ADGRB3: variants seen among roughly 807,000 people sequenced by gnomAD.
The protein encoded by ADGRB3 is brain-specific angiogenesis inhibitor 3.
ADGRB3 carries 37 observed loss-of-function variants against 193.4 expected under a neutral mutation model. The observed-to-expected ratio is 0.19, with a 90% CI of 0.15 to 0.25. The LOEUF (loss-of-function observed/expected upper bound fraction) is 0.25, where lower values mean the gene tolerates loss of function less well. Ranked by LOEUF, ADGRB3 falls within the 10% of genes least tolerant of loss-of-function variation. ADGRB3 has a pLI of 1.00. For missense variants in ADGRB3, 1,637 were observed against 1,852.9 expected, an observed-to-expected ratio of 0.88 and a Z score of 2.14; for synonymous variants, 690 against 644.2, an observed-to-expected ratio of 1.07 and a Z score of -1.08.
intron 3 of ADGRB3, among the ~76,000 whole-genome samples, chr6:68,899,829 T>TA (rs573225535): frequency 2.6e-5 from 4 of 151,954 alleles, no homozygotes; most frequent in East Asian, 3.9e-4. Context: ...TTTAATGTGG[T>TA]AAAAAAATAA....
intron 28 of ADGRB3, 106 bp downstream of exon 28, chr6:69,355,966 T>C: frequency 5.2e-6 from 5 of 962,498 alleles, no homozygotes; most frequent in Non-Finnish European, 7.8e-6. Flanking sequence ...CATATTGTTC[T>C]GTGAAAGGGC....
chr6:68,890,541 T>C (rs1206968681), intron 3 of ADGRB3, among the ~76,000 whole-genome samples: 2 of 152,234 alleles, frequency 1.3e-5, no homozygotes, highest in Non-Finnish European at 2.9e-5. Context: ...AATGAATTTG[T>C]GGTTATTTGT....
chr6:68,777,709 A>C (rs889207997), intron 3 of ADGRB3, among the ~76,000 whole-genome samples: 3 of 151,258 alleles, frequency 2.0e-5, no homozygotes, highest in African/African-American at 7.3e-5. Flanking sequence ...ACATGAGCAG[A>C]TATGCTAATA....
At chr6:68,699,886 G>T (rs900616233) in intron 3 of ADGRB3, among the ~76,000 whole-genome samples, 2 of 152,018 alleles carry the variant, frequency 1.3e-5, no homozygotes, top group Non-Finnish European at 1.5e-5. Flanking sequence ...CAAGCAAAGG[G>T]CAGTCGTCCA....
rs1321091501 is a variant in ADGRB3, at chr6:69,158,466, C to T, written c.2481-74824C>T. On this transcript the variant is annotated intron_variant, in intron 17 of 31. Transcript: ENST00000370598. ...AAAAAATAAGAAATACAAAATGAGG[C>T]TTAAGCAGTCTCAGAATCAATGTAA... 2.0e-5 allele frequency among the ~76,000 whole-genome samples: 3 copies of T among 150,692 alleles called. No homozygotes were observed. The East Asian group carries it at 5.8e-4, about 29-fold the overall frequency.
intron 11 of ADGRB3, among the ~76,000 whole-genome samples, chr6:68,998,299 A>G (rs1221853325): frequency 1.3e-5 from 2 of 152,240 alleles, no homozygotes; most frequent in East Asian, 3.8e-4. Flanking sequence ...GCTGCCATTG[A>G]CAATGGAGAA....
intron 3 of ADGRB3, among the ~76,000 whole-genome samples, chr6:68,927,160 T>C (rs1562088937): frequency 6.6e-6 from 1 of 152,168 alleles, no homozygotes; most frequent in Non-Finnish European, 1.5e-5. Context: ...CCATGTACCA[T>C]GTGTACATAC....
chr6:69,307,232 C>A (rs180763751), intron 20 of ADGRB3, among the ~76,000 whole-genome samples: 5 of 151,520 alleles, frequency 3.3e-5, no homozygotes, highest in Admixed American at 6.6e-5. Context: ...TCATTGTCTT[C>A]TATAAAGTTA....
intron 3 of ADGRB3, among the ~76,000 whole-genome samples, chr6:68,741,080 G>C (rs1246185214): frequency 6.6e-6 from 1 of 152,014 alleles, no homozygotes; most frequent in Non-Finnish European, 1.5e-5. Flanking sequence ...AAAACCATTT[G>C]TCAGTTTGCT....
chr6:69,244,415 G>A (rs568363540), intron 20 of ADGRB3, among the ~76,000 whole-genome samples: 1 of 152,128 alleles, frequency 6.6e-6, no homozygotes, highest in East Asian at 1.9e-4. Flanking sequence ...CTTAACTTGG[G>A]TCAAGCACTC....
intron 20 of ADGRB3, among the ~76,000 whole-genome samples, chr6:69,305,129 T>C (rs1768037709): frequency 6.6e-6 from 1 of 151,570 alleles, no homozygotes; most frequent in Non-Finnish European, 1.5e-5. Context: ...AGGCTAGAAA[T>C]AATACAGGTA....
At chr6:69,194,180 A>T (rs1431264532) in intron 17 of ADGRB3, among the ~76,000 whole-genome samples, 1 of 152,128 alleles carries the variant, frequency 6.6e-6, no homozygotes, top group Non-Finnish European at 1.5e-5. Context: ...TAAATGTCAT[A>T]TGATAGATGC....
intron 17 of ADGRB3, among the ~76,000 whole-genome samples, chr6:69,123,847 C>T (rs1053917253): frequency 1.3e-5 from 2 of 152,030 alleles, no homozygotes; most frequent in Non-Finnish European, 2.9e-5. Context: ...GAGATGAGGA[C>T]AGTAAGATGA....
intron 3 of ADGRB3, among the ~76,000 whole-genome samples, chr6:68,930,068 A>G (rs1003999054): frequency 4.0e-5 from 6 of 151,142 alleles, no homozygotes; most frequent in Non-Finnish European, 8.9e-5. Flanking sequence ...TTTGGATGAA[A>G]AAAAAAAAAA....
In ADGRB3 at chr6:69,324,765, TA is replaced by T. The variant is rs1768532633; in HGVS notation, c.2815-106del. The stretch of plus-strand genomic sequence containing the variant: ...ACTCTTGTCACTGAGGAGAAGTAGA[TA>T]TTTGAAATAAAAGCAATGAATCAGA... On this transcript the variant is annotated intron_variant, in intron 20 of 31. Coordinates refer to ENST00000370598, the MANE Select transcript of ADGRB3 (RefSeq NM_001704.3). The T allele has an allele frequency of 2.4e-6, 3 of 1,235,978 alleles. No homozygotes were observed. In the South Asian group the frequency reaches 4.5e-5, roughly 18 times the overall value. The allele number at this position is 1,235,978 out of a possible 1,614,324, so 76.6% of individuals were successfully genotyped here.
intron 3 of ADGRB3, among the ~76,000 whole-genome samples, chr6:68,895,710 A>G (rs1039290757): frequency 6.6e-6 from 1 of 151,980 alleles, no homozygotes. Flanking sequence ...AACTTTTTTA[A>G]AGTACAGAAT....
chr6:69,062,806 A>G (rs1771786791), intron 15 of ADGRB3, 128 bp from the exon 16 acceptor site: 2 of 645,218 alleles, frequency 3.1e-6, no homozygotes, highest in South Asian at 2.3e-5. Context: ...CTTTCCATGA[A>G]TAATACTACG....
rs746249056 is a variant in ADGRB3, at chr6:68,891,204, C to T, written c.758-39355C>T. Among the ~76,000 whole-genome samples, 25 of 152,132 alleles carry T rather than the reference C, an allele frequency of 1.6e-4. 1 individual carries two copies. The highest frequency in any genetic ancestry group is 5.3e-4 in the African/African-American group (22 of 41,514). Reference sequence around the variant, plus strand: ...CTTACTCACTATTACAAGAACAGCACGGGAAAGCCCAGTCTCCATGATTCA... The same window carrying T: ...CTTACTCACTATTACAAGAACAGCATGGGAAAGCCCAGTCTCCATGATTCA... On this transcript the variant is annotated intron_variant, in intron 3 of 31. Coordinates refer to ENST00000370598, the MANE Select transcript of ADGRB3 (RefSeq NM_001704.3).
chr6:69,072,980 G>A (rs536569277), intron 16 of ADGRB3, among the ~76,000 whole-genome samples: 39 of 152,232 alleles, frequency 2.6e-4, no homozygotes, highest in South Asian at 8.3e-4. Flanking sequence ...GATCTATGCC[G>A]TCTGTGAGAA....
Sources: gnomAD v4.1 joint callset for allele counts (sites outside exome capture counted in the v4.1 genomes callset) on GRCh38, gnomAD v4.1.1 for gene constraint, MANE v1.5 for transcripts, NCBI Gene and HGNC (gene_info 2026-07-23, HGNC 2026-07-21) for gene names.